Variants in NTM observed in about 807,000 individuals in gnomAD.
NTM encodes the protein IgLON family member 2.
NTM carries 13 observed loss-of-function variants against 42.1 expected under a neutral mutation model. That is an observed-to-expected ratio of 0.31 (90% CI 0.20 to 0.49). The LOEUF (loss-of-function observed/expected upper bound fraction) is 0.49. Among genes scored for constraint, NTM ranks in the 20% least tolerant of loss-of-function variants. The pLI, the probability that NTM is intolerant of heterozygous loss-of-function variation, is 0.99. For missense variants in NTM, 373 were observed against 452.8 expected (o/e 0.82, Z 1.60); for synonymous variants, 187 against 179.2 (o/e 1.04, Z -0.35).
chr11:131,439,456 G>C (rs1241063135), intron 1 of NTM, among the ~76,000 whole-genome samples: 1 of 152,226 alleles, frequency 6.6e-6, no homozygotes, highest in Non-Finnish European at 1.5e-5. Context: ...GCTATGGTGG[G>C]CTCCACCCAG....
chr11:132,290,769 G>A lies in NTM; in HGVS notation c.527-16920G>A, dbSNP rs147603923. On this transcript the variant is annotated intron_variant, in intron 4 of 8. Transcript: ENST00000683400. ...TTAAAAAGCACCAAGTAGTTAAGATGTACAGTGAATTGGGGATGGGGGTGC... is the reference window on the plus strand; with the variant it reads ...TTAAAAAGCACCAAGTAGTTAAGATATACAGTGAATTGGGGATGGGGGTGC... Among the ~76,000 whole-genome samples, 3 of 152,260 alleles carry A rather than the reference G, an allele frequency of 2.0e-5. No homozygotes were observed. In the South Asian group the frequency reaches 6.2e-4, roughly 32 times the overall value.
rs538353084 is a variant in NTM at position 132,266,262 on chromosome 11, TGTCGCCCA to T, written c.527-41423_527-41416del. ...CATTAACTCTCCGCAAGTCCAGCTGTGTCGCCCAGTCTCCCAGGCAGCTAGAGCCTCCC... is the reference window on the plus strand; with the variant it reads ...CATTAACTCTCCGCAAGTCCAGCTGTGTCTCCCAGGCAGCTAGAGCCTCCC... On this transcript the variant is annotated intron_variant, in intron 4 of 8. Transcript: ENST00000683400. 4.6e-5 allele frequency among the ~76,000 whole-genome samples: 7 copies of T among 152,290 alleles called. No individual in the cohort carries two copies. The East Asian group carries it at 1.4e-3, about 29-fold the overall frequency.
At chr11:131,653,049 C>A (rs966220898) in intron 1 of NTM, among the ~76,000 whole-genome samples, 2 of 152,214 alleles carry the variant, frequency 1.3e-5, no homozygotes, top group Admixed American at 1.3e-4. Flanking sequence ...CGCTATTTGA[C>A]GAGCTGCTGC....
At chr11:132,173,878 T>G (rs2076427121) in intron 3 of NTM, among the ~76,000 whole-genome samples, 1 of 152,222 alleles carries the variant, frequency 6.6e-6, no homozygotes, top group Non-Finnish European at 1.5e-5. Flanking sequence ...GAATTAACTT[T>G]CTTCTTAAAA....
At chr11:132,252,076 C>G (rs148448577) in intron 4 of NTM, among the ~76,000 whole-genome samples, 144 of 152,308 alleles carry the variant, frequency 9.5e-4, no homozygotes, top group African/African-American at 3.3e-3. Context: ...CACTCCCTGC[C>G]ATAAGCCCCT....
chr11:131,918,804 C>T (rs558798535), intron 2 of NTM, among the ~76,000 whole-genome samples: 32 of 152,248 alleles, frequency 2.1e-4, no homozygotes, highest in African/African-American at 5.8e-4. Context: ...TCATCCATGG[C>T]GTGGAGACAC....
chr11:131,426,600 T>A lies in NTM; in HGVS notation c.82+55712T>A, dbSNP rs1380170416. Among the ~76,000 whole-genome samples, 7 of 152,198 alleles carry A rather than the reference T, an allele frequency of 4.6e-5. No individual in the cohort carries two copies. The South Asian group carries it at 1.2e-3, about 27-fold the overall frequency. ...ACAAAAGAGCTGAGTTATCGATTGC[T>A]GCATTTCGGCGGCTCTTAATCTGAA... On this transcript the variant is annotated intron_variant, in intron 1 of 8. Transcript: ENST00000683400.
chr11:131,592,647 AACACAC>A (rs3040142), intron 1 of NTM, among the ~76,000 whole-genome samples: 6,607 of 140,546 alleles, frequency 0.047, 183 homozygotes, highest in African/African-American at 0.094. Flanking sequence ...ACACACCCCA[AACACAC>A]ACACACACAC....
At chr11:131,375,019 A>G (rs1054570982) in intron 1 of NTM, among the ~76,000 whole-genome samples, 3 of 152,254 alleles carry the variant, frequency 2.0e-5, no homozygotes, top group East Asian at 1.9e-4. Context: ...AAAAACCCAC[A>G]TTGCTCTCTC....
rs6590616 is a variant in NTM, at chr11:132,082,396, A to C, written c.168-63886A>C. Among the ~76,000 whole-genome samples, 692 of 152,130 alleles carry C rather than the reference A, an allele frequency of 4.5e-3. 3 individuals are homozygous for C. The highest frequency in any genetic ancestry group is 0.014 in the African/African-American group (584 of 41,480). On this transcript the variant is annotated intron_variant, in intron 2 of 8. Transcript: ENST00000683400. Reference sequence around the variant, plus strand: ...GAAGAGGCAAGGCTCCTCCCAGCATAAGGCATGAATTCCTGGTGGCTCCAC... The same window carrying C: ...GAAGAGGCAAGGCTCCTCCCAGCATCAGGCATGAATTCCTGGTGGCTCCAC...
intron 1 of NTM, among the ~76,000 whole-genome samples, chr11:131,374,743 T>A (rs1473080312): frequency 6.6e-6 from 1 of 152,162 alleles, no homozygotes; most frequent in Non-Finnish European, 1.5e-5. Context: ...AGCCAAAACT[T>A]GTCCCTTGGG....
intron 1 of NTM, among the ~76,000 whole-genome samples, chr11:131,621,805 G>A (rs1343628095): frequency 3.8e-5 from 5 of 130,638 alleles, no homozygotes; most frequent in Non-Finnish European, 1.6e-5. Flanking sequence ...CTGGGCAACA[G>A]AGCAAGACCT....
At chr11:131,908,208 G>A (rs943208870) in intron 1 of NTM, among the ~76,000 whole-genome samples, 2 of 152,150 alleles carry the variant, frequency 1.3e-5, no homozygotes, top group Admixed American at 6.5e-5. Flanking sequence ...CATGCAGACT[G>A]GTAGAAACCA....
intron 1 of NTM, among the ~76,000 whole-genome samples, chr11:131,514,178 A>G (rs181186289): frequency 6.4e-4 from 98 of 152,338 alleles, no homozygotes; most frequent in Middle Eastern, 3.4e-3. Context: ...CAGATTTCAG[A>G]GTCAGAGAAA....
chr11:132,143,516 T>C (rs1362019790), intron 2 of NTM, among the ~76,000 whole-genome samples: 1 of 152,256 alleles, frequency 6.6e-6, no homozygotes, highest in Non-Finnish European at 1.5e-5. Context: ...TCAGTCAATA[T>C]GGCTAATGTT....
chr11:131,590,377 T>G (rs140316371), intron 1 of NTM, among the ~76,000 whole-genome samples: 49 of 152,258 alleles, frequency 3.2e-4, no homozygotes, highest in African/African-American at 1.1e-3. Context: ...GCAAACAGGT[T>G]GATACCAGAG....
intron 4 of NTM, among the ~76,000 whole-genome samples, chr11:132,287,347 G>T (rs974620179): frequency 6.6e-6 from 1 of 152,172 alleles, no homozygotes. Flanking sequence ...GACACATTGA[G>T]CTCAGGACCC....
chr11:131,717,444 A>G (rs913891516), intron 1 of NTM, among the ~76,000 whole-genome samples: 1 of 152,196 alleles, frequency 6.6e-6, no homozygotes, highest in Non-Finnish European at 1.5e-5. Flanking sequence ...GATCTTGGAT[A>G]TCCCTTGTCA....
chr11:132,055,495 T>C (rs2135963921), intron 2 of NTM, among the ~76,000 whole-genome samples: 1 of 152,288 alleles, frequency 6.6e-6, no homozygotes, highest in South Asian at 2.1e-4. Flanking sequence ...AAACAGCTTT[T>C]TGGCACATTA....
Sources: allele counts gnomAD v4.1 joint callset (sites outside exome capture counted in the v4.1 genomes callset), GRCh38; gene constraint gnomAD v4.1.1; transcripts MANE v1.5; gene names NCBI Gene and HGNC (gene_info 2026-07-23, HGNC 2026-07-21).